Variants in SGCZ observed in about 807,000 individuals in gnomAD.
The protein encoded by SGCZ is zeta-sarcoglycan.
Under a neutral mutation model 41.3 loss-of-function variants are expected in SGCZ, and 40 were observed. The ratio of observed to expected loss-of-function variants is 0.97; its 90% CI spans 0.75 to 1.26. SGCZ has a LOEUF of 1.26. SGCZ is among the 50% of genes most tolerant of loss of function. The pLI, the probability that SGCZ is intolerant of heterozygous loss-of-function variation, is 0.00. For synonymous variants in SGCZ, 206 were observed against 137.5 expected, an observed-to-expected ratio of 1.50 and a Z score of -3.49; for missense variants, 552 against 369.8, an observed-to-expected ratio of 1.49 and a Z score of -4.04.
At chr8:15,131,748 G>A (rs1244036504) in intron 1 of SGCZ, among the ~76,000 whole-genome samples, 1 of 126,668 alleles carries the variant, frequency 7.9e-6, no homozygotes, top group Non-Finnish European at 1.7e-5. Context: ...TGCCACCAAA[G>A]GCCAAACTCC....
chr8:14,504,183 A>T (rs1802237099), intron 2 of SGCZ, among the ~76,000 whole-genome samples: 1 of 152,346 alleles, frequency 6.6e-6, no homozygotes, highest in Middle Eastern at 3.4e-3. Flanking sequence ...TATCTGCTAC[A>T]AGAGGAAAAT....
intron 2 of SGCZ, among the ~76,000 whole-genome samples, chr8:14,374,315 A>G (rs1804025235): frequency 6.6e-6 from 1 of 152,332 alleles, no homozygotes; most frequent in East Asian, 1.9e-4. Context: ...GGAGGTCACC[A>G]GTATGGGTGA....
chr8:14,700,580 A>G (rs1010720114), intron 1 of SGCZ, among the ~76,000 whole-genome samples: 1 of 151,886 alleles, frequency 6.6e-6, no homozygotes, highest in Admixed American at 6.6e-5. Context: ...CCCATGTAAC[A>G]TACCAGCACA....
intron 1 of SGCZ, among the ~76,000 whole-genome samples, chr8:14,777,139 G>A (rs1183092888): frequency 6.6e-6 from 1 of 152,162 alleles, no homozygotes; most frequent in Non-Finnish European, 1.5e-5. Flanking sequence ...AAATGCTCAA[G>A]ATGTGGCATT....
At chr8:14,689,716 G>C (rs1473898356) in intron 1 of SGCZ, among the ~76,000 whole-genome samples, 1 of 152,136 alleles carries the variant, frequency 6.6e-6, no homozygotes, top group African/African-American at 2.4e-5. Flanking sequence ...GCTCTTATTT[G>C]TAGGATGAAA....
At chr8:15,137,651 AAGCCTTGGC>A (rs147466923) in intron 1 of SGCZ, among the ~76,000 whole-genome samples, 1 of 105,788 alleles carries the variant, frequency 9.5e-6, no homozygotes, top group South Asian at 3.2e-4. Context: ...TGCAATCCCC[AAGCCTTGGC>A]ACCTTTCATG....
intron 1 of SGCZ, among the ~76,000 whole-genome samples, chr8:15,235,979 A>T (rs1489854491): frequency 6.6e-6 from 1 of 152,222 alleles, no homozygotes; most frequent in African/African-American, 2.4e-5. Context: ...AATGTGTCCT[A>T]TCGGAGTAGA....
intron 2 of SGCZ, among the ~76,000 whole-genome samples, chr8:14,527,356 C>A (rs1802983797): frequency 6.6e-6 from 1 of 152,132 alleles, no homozygotes; most frequent in African/African-American, 2.4e-5. Context: ...GGCTAGAGCG[C>A]AGTGGCGCGA....
intron 1 of SGCZ, among the ~76,000 whole-genome samples, chr8:15,052,156 C>G (rs963127310): frequency 1.3e-5 from 2 of 152,096 alleles, no homozygotes; most frequent in African/African-American, 4.8e-5. Flanking sequence ...AGAGAAAGAT[C>G]AAGAGCAAGG....
At chr8:14,354,179 T>C (rs934703027) in intron 2 of SGCZ, among the ~76,000 whole-genome samples, 1 of 152,042 alleles carries the variant, frequency 6.6e-6, no homozygotes, top group South Asian at 2.1e-4. Context: ...GTTTCTCCAA[T>C]AAACACTGTT....
intron 1 of SGCZ, among the ~76,000 whole-genome samples, chr8:14,875,781 A>G (rs2130712142): frequency 6.6e-6 from 1 of 152,314 alleles, no homozygotes; most frequent in Admixed American, 6.5e-5. Context: ...ATTAAGTTCC[A>G]GCTATGTTAT....
At chr8:14,415,530 G>T (rs1440891844) in intron 2 of SGCZ, among the ~76,000 whole-genome samples, 1 of 151,874 alleles carries the variant, frequency 6.6e-6, no homozygotes, top group Non-Finnish European at 1.5e-5. Flanking sequence ...GCTTTATTCT[G>T]TCATCATGGA....
chr8:14,370,905 C>A (rs1405103920), intron 2 of SGCZ, among the ~76,000 whole-genome samples: 1 of 151,912 alleles, frequency 6.6e-6, no homozygotes, highest in Non-Finnish European at 1.5e-5. Flanking sequence ...AATAAGGAAG[C>A]CCCACAGAAT....
chr8:15,098,331 TATGTTAG>T (rs1806466712), intron 1 of SGCZ, among the ~76,000 whole-genome samples: 1 of 152,166 alleles, frequency 6.6e-6, no homozygotes, highest in Non-Finnish European at 1.5e-5. Flanking sequence ...CTTTGGTAAT[TATGTTAG>T]ATGCAATTAG....
intron 1 of SGCZ, among the ~76,000 whole-genome samples, chr8:15,001,728 C>CAAAAAAAAAA (rs1223307583): frequency 2.5e-4 from 20 of 80,964 alleles, no homozygotes; most frequent in South Asian, 4.6e-4. Context: ...GACTCCGTCT[C>CAAAAAAAAAA]AAAAAAAAAA....
At chr8:14,649,534 C>T (rs939319702) in intron 1 of SGCZ, among the ~76,000 whole-genome samples, 9 of 151,448 alleles carry the variant, frequency 5.9e-5, no homozygotes, top group African/African-American at 2.2e-4. Flanking sequence ...GAGCCTGTAT[C>T]TGAGATAGTG....
chr8:15,072,256 C>T (rs557707997), intron 1 of SGCZ, among the ~76,000 whole-genome samples: 43 of 152,174 alleles, frequency 2.8e-4, no homozygotes, highest in Non-Finnish European at 4.3e-4. Flanking sequence ...GTACAAAACT[C>T]CTTCATGCAG....
At chr8:15,107,647 C>T (rs1345163492) in intron 1 of SGCZ, among the ~76,000 whole-genome samples, 1 of 152,126 alleles carries the variant, frequency 6.6e-6, no homozygotes, top group African/African-American at 2.4e-5. Flanking sequence ...ACTACATAAA[C>T]CTTTTTTTTG....
chr8:15,129,241 C>A (rs1272981120), intron 1 of SGCZ, among the ~76,000 whole-genome samples: 3 of 152,100 alleles, frequency 2.0e-5, no homozygotes, highest in African/African-American at 4.8e-5. Context: ...TACCCCTAAT[C>A]GCGTCTATTA....
Sources: gnomAD v4.1 joint callset for allele counts (sites outside exome capture counted in the v4.1 genomes callset) on GRCh38, gnomAD v4.1.1 for gene constraint, MANE v1.5 for transcripts, NCBI Gene and HGNC (gene_info 2026-07-23, HGNC 2026-07-21) for gene names.